Variants in FRMPD4 observed in about 807,000 individuals in gnomAD.
FRMPD4 encodes FERM and PDZ domain containing 4.
FRMPD4 carries 22 observed loss-of-function variants against 94.1 expected under a neutral mutation model. The observed-to-expected ratio is 0.23, with a 90% confidence interval of 0.17 to 0.33. The LOEUF (loss-of-function observed/expected upper bound fraction) is 0.33, where lower values mean the gene tolerates loss of function less well. Among genes scored for constraint, FRMPD4 ranks in the 10% least tolerant of loss-of-function variants. The probability of loss-of-function intolerance (pLI) is 1.00; values close to 1 mark genes in which losing one functional copy is unlikely to be tolerated. For missense variants in FRMPD4, 1,111 were observed against 1,339.9 expected, an observed-to-expected ratio of 0.83 and a Z score of 2.67; for synonymous variants, 631 against 548.6, an observed-to-expected ratio of 1.15 and a Z score of -2.10.
intron 3 of FRMPD4, among the ~76,000 whole-genome samples, chrX:11,879,237 T>A (rs1050182212): frequency 5.4e-5 from 6 of 111,931 alleles, no homozygotes. Flanking sequence ...CTTTTCTTTT[T>A]AGCGCCTACA....
At chrX:12,452,756 C>T (rs1419218702) in intron 1 of FRMPD4, among the ~76,000 whole-genome samples, 1 of 112,257 alleles carries the variant, frequency 8.9e-6, no homozygotes, top group Non-Finnish European at 1.9e-5. Context: ...CATTAAATCA[C>T]TTGTAAATTA....
intron 1 of FRMPD4, among the ~76,000 whole-genome samples, chrX:12,296,310 G>C (rs1043739932): frequency 1.8e-5 from 2 of 112,033 alleles, no homozygotes; most frequent in Admixed American, 9.4e-5. Flanking sequence ...CCTAAGGGCA[G>C]TAGTATTTAA....
At chrX:12,091,152 G>A (rs1171554807) in intron 3 of FRMPD4, among the ~76,000 whole-genome samples, 3 of 111,888 alleles carry the variant, frequency 2.7e-5, no homozygotes, top group Non-Finnish European at 5.6e-5. Context: ...CTATGAATTG[G>A]CACTATTATT....
In FRMPD4 at chrX:11,904,450, G is replaced by A. The variant is rs145379020; in HGVS notation, c.95+26432G>A. Among the ~76,000 whole-genome samples, 592 of 112,448 alleles carry A rather than the reference G, an allele frequency of 5.3e-3. 4 individuals carry two copies. The highest frequency in any genetic ancestry group is 0.018 in the African/African-American group (570 of 30,997). ...TCCTCTTAGATGAAAGGCAGGGGAC[G>A]TTGTTAAAATGTTGGCTGCAAGAAA... On this transcript the variant is annotated intron_variant, in intron 3 of 18. Transcript: ENST00000640291.
chrX:12,141,447 C>T (rs939700978), intron 1 of FRMPD4, among the ~76,000 whole-genome samples: 1 of 111,842 alleles, frequency 8.9e-6, no homozygotes, highest in Non-Finnish European at 1.9e-5. Flanking sequence ...GAATATTATT[C>T]GACACTGGAA....
intron 1 of FRMPD4, among the ~76,000 whole-genome samples, chrX:12,252,585 C>G (rs996034229): frequency 8.9e-6 from 1 of 112,082 alleles, no homozygotes; most frequent in Admixed American, 9.5e-5. Context: ...GATGTTCTCA[C>G]AAGCTCTTGA....
At position 12,531,324 on chromosome X, in the gene FRMPD4, T is replaced by C. The variant is rs780465225; in HGVS notation, c.158+32528T>C. On this transcript the variant is annotated intron_variant, in intron 2 of 16. Transcript: ENST00000675598. The stretch of plus-strand genomic sequence containing the variant: ...AGTTTTAGTAAGGGACGTGGGAATA[T>C]TGATTTATTTTCCCAGAAACGCAAA... 2.7e-5 allele frequency among the ~76,000 whole-genome samples: 3 copies of C among 111,932 alleles called. No individual in the cohort carries two copies. The South Asian group carries it at 1.1e-3, about 42-fold the overall frequency.
At chrX:12,193,560 T>C (rs771953528) in intron 1 of FRMPD4, among the ~76,000 whole-genome samples, 42 of 106,043 alleles carry the variant, frequency 4.0e-4, no homozygotes, top group African/African-American at 1.4e-3. Context: ...ATCTGACAAG[T>C]AAAGGTAGGT....
chrX:12,546,672 G>A (rs937291661), intron 2 of FRMPD4, among the ~76,000 whole-genome samples: 10 of 111,456 alleles, frequency 9.0e-5, no homozygotes, highest in African/African-American at 3.3e-4. Flanking sequence ...TAATATAGCT[G>A]TAGTTGGGAA....
At chrX:12,183,636 G>T (rs2056388722) in intron 1 of FRMPD4, among the ~76,000 whole-genome samples, 1 of 111,393 alleles carries the variant, frequency 9.0e-6, no homozygotes, top group African/African-American at 3.3e-5. Context: ...TCAGTTTACA[G>T]ATTTGTGCTT....
At chrX:11,857,002 G>T (rs1042209100) in intron 1 of FRMPD4, among the ~76,000 whole-genome samples, 4 of 111,634 alleles carry the variant, frequency 3.6e-5, no homozygotes, top group African/African-American at 1.3e-4. Flanking sequence ...GCTAACTAGT[G>T]AGGTGAAAGA....
At chrX:12,645,157 GACTTT>G (rs1468863991) in intron 4 of FRMPD4, among the ~76,000 whole-genome samples, 2 of 110,069 alleles carry the variant, frequency 1.8e-5, no homozygotes, top group Non-Finnish European at 3.8e-5. Flanking sequence ...TGAAAAATAA[GACTTT>G]ACAATATTAT....
chrX:12,466,448 C>G (rs2057449053), intron 1 of FRMPD4, among the ~76,000 whole-genome samples: 1 of 112,194 alleles, frequency 8.9e-6, no homozygotes, highest in Non-Finnish European at 1.9e-5. Flanking sequence ...CTTTTGCCTC[C>G]CTGAATGCAT....
At chrX:12,125,531 A>ATT (rs11442787) in intron 3 of FRMPD4, among the ~76,000 whole-genome samples, 1 of 108,183 alleles carries the variant, frequency 9.2e-6, no homozygotes, top group African/African-American at 3.4e-5. Context: ...TTTCCTCTGA[A>ATT]TTTTTTTTTA....
intron 1 of FRMPD4, among the ~76,000 whole-genome samples, chrX:12,435,227 G>A (rs2057051990): frequency 9.0e-6 from 1 of 111,464 alleles, no homozygotes; most frequent in South Asian, 3.8e-4. Context: ...GGCATTTAGA[G>A]TCTTAATGAT....
At chrX:12,414,083 A>G (rs1416820921) in intron 1 of FRMPD4, among the ~76,000 whole-genome samples, 1 of 112,760 alleles carries the variant, frequency 8.9e-6, no homozygotes, top group Admixed American at 9.4e-5. Context: ...TCTTGGCTAA[A>G]TGAAAGGAAT....
intron 2 of FRMPD4, among the ~76,000 whole-genome samples, chrX:12,560,838 C>T (rs2058650879): frequency 1.2e-5 from 1 of 85,332 alleles, no homozygotes; most frequent in Admixed American, 1.5e-4. Context: ...GGCGGGATCT[C>T]GGCTCACTGC....
Position 12,716,455 on chromosome X carries a change from C to A in FRMPD4, c.1996C>A (p.Pro666Thr). The change falls in exon 15 of 17, where the codon CCC (proline) becomes ACC (threonine). Residue 666 changes from proline (P) to threonine (T), a missense_variant. Physicochemically the swap from Pro to Thr is conservative, Grantham distance 38. Around this residue, in one of 8 missense-constraint regions of FRMPD4, gnomAD observed 192 missense variants for 192.5 expected, o/e 1.00. Transcript: ENST00000675598. The part of the protein sequence containing the change: ...GDFALDDGIS[P>T]PTLGYETLLD... ...CTTCGCCTTGGATGATGGTATTAGT[C>A]CCCCAACCCTTGGCTATGAAACGCT... 8.3e-7 allele frequency: 1 copy of A among 1,209,622 alleles called. No homozygotes were observed. The highest frequency in any genetic ancestry group is 1.1e-6 in the Non-Finnish European group (1 of 894,161).
intron 2 of FRMPD4, among the ~76,000 whole-genome samples, chrX:12,524,696 T>G (rs2058202323): frequency 9.0e-6 from 1 of 111,418 alleles, no homozygotes; most frequent in Non-Finnish European, 1.9e-5. Context: ...TATGGCAAAT[T>G]TTAGGCTTAT....
Sources: gnomAD v4.1 joint callset for allele counts (sites outside exome capture counted in the v4.1 genomes callset) on GRCh38, gnomAD v4.1.1 for gene constraint, gnomAD v4.1.1 regional missense constraint, MANE v1.5 for transcripts, NCBI Gene and HGNC (gene_info 2026-07-23, HGNC 2026-07-21) for gene names.